Variants in SAR1B observed in about 807,000 individuals in gnomAD.
SAR1B encodes secretion associated Ras related GTPase 1B.
A neutral mutation model predicts 26.8 loss-of-function variants in SAR1B; 23 were observed. The observed-to-expected ratio is 0.86, with a 90% confidence interval of 0.62 to 1.22. The LOEUF (loss-of-function observed/expected upper bound fraction) is 1.22, where lower values mean the gene tolerates loss of function less well. SAR1B is among the 50% of genes most tolerant of loss of function. The pLI, the probability that SAR1B is intolerant of heterozygous loss-of-function variation, is 0.00. For missense variants in SAR1B, 196 were observed against 232.8 expected, an observed-to-expected ratio of 0.84 and a Z score of 1.03; for synonymous variants, 65 against 80.8, an observed-to-expected ratio of 0.80 and a Z score of 1.05.
Position 134,608,465 on chromosome 5 carries a change from T to C in SAR1B, c.387A>G (p.Ile129Met). ...MTDETIANVP[I>M]LILGNKIDRP... ...TGTCGATCTTATTCCCAAGAATCAG[T>C]ATAGGCACATTAGCAATGGTTTCAT... Residue 129 changes from isoleucine (I) to methionine (M), a missense_variant, in exon 6 of 7, where the codon ATA (isoleucine) becomes ATG (methionine). Ile to Met is a conservative substitution (Grantham distance 10). Transcript: ENST00000402673. 6.2e-7 allele frequency: 1 copy of C among 1,612,284 alleles called. No homozygotes were observed. Among genetic ancestry groups the C allele is most frequent in the Non-Finnish European group, 8.5e-7 (1 of 1,179,344 alleles).
chr5:134,623,939 A>G (rs762793932), intron 2 of SAR1B, 23 bp downstream of exon 2: 3 of 1,524,972 alleles, frequency 2.0e-6, no homozygotes, highest in Non-Finnish European at 2.7e-6. Flanking sequence ...GGATAACTGT[A>G]GAGAACAAAG....
Position 134,605,835 on chromosome 5 carries a change from C to T in SAR1B, c.*1115G>A, listed in dbSNP as rs1440255338. ...AGCTATAGGATAGGAACAAAATCTCCACATATCTCAGACTGACACAGAACA... is the reference window on the plus strand; with the variant it reads ...AGCTATAGGATAGGAACAAAATCTCTACATATCTCAGACTGACACAGAACA... On this transcript the variant is annotated 3_prime_UTR_variant, in exon 7 of 7. Transcript: ENST00000402673. 6.6e-6 allele frequency: 1 copy of T among 152,070 alleles called. No homozygotes were observed. The highest frequency in any genetic ancestry group is 2.4e-5 in the African/African-American group (1 of 41,424). 9.4% of individuals were successfully genotyped at this position (152,070 alleles called of 1,614,324 possible). A position where few individuals can be genotyped will look rare whatever the true frequency, so the allele number is the denominator to read the frequency against.
At chr5:134,627,801 A>AAATAAAT (rs1765520467) in intron 1 of SAR1B, among the ~76,000 whole-genome samples, 5 of 134,454 alleles carry the variant, frequency 3.7e-5, no homozygotes, top group African/African-American at 1.1e-4. Context: ...TCCATCCCAA[A>AAATAAAT]AAATAAATAA....
chr5:134,621,659 A>T (rs1413070396), intron 2 of SAR1B, among the ~76,000 whole-genome samples: 1 of 152,222 alleles, frequency 6.6e-6, no homozygotes, highest in African/African-American at 2.4e-5. Flanking sequence ...TGATAGATAA[A>T]TTGATAAATA....
Position 134,621,410 on chromosome 5 carries a change from C to T in SAR1B, c.59-358G>A, listed in dbSNP as rs532516012. ...ACTGGAACCCAGGAAGCAGAAGTTG[C>T]GGTGGTGAGCTGAGATCATGCCATT... is the stretch of plus-strand genomic sequence containing the variant. On this transcript the variant is annotated intron_variant, in intron 2 of 6. Transcript: ENST00000402673. Among the ~76,000 whole-genome samples, 67 of 152,074 alleles carry T rather than the reference C, an allele frequency of 4.4e-4. 1 individual carries two copies. The highest frequency in any genetic ancestry group is 1.6e-3 in the African/African-American group (65 of 41,482).
At chr5:134,617,794 G>A (rs2150053115) in intron 3 of SAR1B, among the ~76,000 whole-genome samples, 1 of 152,108 alleles carries the variant, frequency 6.6e-6, no homozygotes, top group South Asian at 2.1e-4. Context: ...CAATTCTCCT[G>A]TCTCTGCCTC....
intron 3 of SAR1B, among the ~76,000 whole-genome samples, chr5:134,616,203 G>C (rs1013169493): frequency 1.3e-5 from 2 of 151,012 alleles, no homozygotes; most frequent in Non-Finnish European, 2.9e-5. Flanking sequence ...TTGGAAGGCC[G>C]AGGGGGGCGG....
At position 134,607,544 on chromosome 5, in the gene SAR1B, G is replaced by A. The variant is rs190679254; in HGVS notation, c.481-478C>T. ...TCTCAGCACTCTGGGAGGCCAAGGC[G>A]GGCGGATCACCTGAGGTCAGGAGTT... On this transcript the variant is annotated intron_variant, in intron 6 of 6. Coordinates refer to ENST00000402673, the MANE Select transcript of SAR1B (RefSeq NM_016103.4). Among the ~76,000 whole-genome samples, 503 of 151,942 alleles carry A rather than the reference G, an allele frequency of 3.3e-3. 4 individuals carry two copies. Among genetic ancestry groups the A allele is most frequent in the Middle Eastern group, 0.024 (7 of 290 alleles).
intron 3 of SAR1B, 115 bp from the exon 4 acceptor site, chr5:134,612,871 T>C (rs2150051333): frequency 1.1e-6 from 1 of 931,974 alleles, no homozygotes; most frequent in East Asian, 2.6e-5. Context: ...TAAGAATAAA[T>C]AGTAACTTCT....
chr5:134,615,929 A>G (rs1214415134), intron 3 of SAR1B, among the ~76,000 whole-genome samples: 2 of 151,756 alleles, frequency 1.3e-5, no homozygotes. Flanking sequence ...TTGAGACATC[A>G]GGAGTTCTGA....
intron 1 of SAR1B, among the ~76,000 whole-genome samples, chr5:134,627,762 G>A (rs1007616873): frequency 6.6e-6 from 1 of 151,092 alleles, no homozygotes; most frequent in African/African-American, 2.4e-5. Context: ...TTGCGCCACT[G>A]CACTCCAGCC....
rs1765107554 is a variant in SAR1B, at chr5:134,605,323, A to G, written c.*1627T>C. 1 of 152,208 alleles carries G rather than the reference A, an allele frequency of 6.6e-6. No individual in the cohort carries two copies. The highest frequency in any genetic ancestry group is 1.9e-4 in the East Asian group (1 of 5,208). The allele number at this position is 152,208 out of a possible 1,614,324, so 9.4% of individuals were successfully genotyped here. A position where few individuals can be genotyped will look rare whatever the true frequency, so the allele number is the denominator to read the frequency against. On this transcript the variant is annotated 3_prime_UTR_variant, in exon 7 of 7. Coordinates refer to ENST00000402673, the MANE Select transcript of SAR1B (RefSeq NM_016103.4). Reference sequence around the variant, plus strand: ...ATAATCAGGATAAATCTTAAACTTGAGGGTCTTTAAAAATACATTTTTGGC... The same window carrying G: ...ATAATCAGGATAAATCTTAAACTTGGGGGTCTTTAAAAATACATTTTTGGC...
intron 1 of SAR1B, among the ~76,000 whole-genome samples, chr5:134,631,087 TAG>T (rs1199824646): frequency 3.3e-5 from 5 of 151,546 alleles, no homozygotes; most frequent in African/African-American, 1.2e-4. Context: ...TTTTTTAATG[TAG>T]AGACTGGGTC....
At chr5:134,629,241 G>C (rs774354028) in intron 1 of SAR1B, among the ~76,000 whole-genome samples, 8 of 151,494 alleles carry the variant, frequency 5.3e-5, no homozygotes, top group Admixed American at 1.3e-4. Flanking sequence ...GGGAAACATG[G>C]GAAGTCCCCA....
intron 1 of SAR1B, among the ~76,000 whole-genome samples, chr5:134,626,915 C>T (rs1333819669): frequency 6.6e-6 from 1 of 151,932 alleles, no homozygotes; most frequent in Non-Finnish European, 1.5e-5. Flanking sequence ...ACTTAATGTA[C>T]AATTTTAAAA....
At position 134,605,608 on chromosome 5, in the gene SAR1B, C is replaced by G. The variant is rs1765112627; in HGVS notation, c.*1342G>C. The stretch of plus-strand genomic sequence containing the variant: ...TCACTTGAGGTCAGGAGTTTGAGAC[C>G]AGCCTGGACAACATGGTGAAACCCC... On this transcript the variant is annotated 3_prime_UTR_variant, in exon 7 of 7. Transcript: ENST00000402673. The G allele has an allele frequency of 7.2e-6, 1 of 139,390 alleles. No homozygotes were observed. Among genetic ancestry groups the G allele is most frequent in the Admixed American group, 7.8e-5 (1 of 12,834 alleles). The allele number at this position is 139,390 out of a possible 1,614,324, so 8.6% of individuals were successfully genotyped here. A position where few individuals can be genotyped will look rare whatever the true frequency, so the allele number is the denominator to read the frequency against.
At chr5:134,632,606 C>G (rs918698564) in intron 1 of SAR1B, 122 bp downstream of exon 1, 13 of 152,446 alleles carry the variant, frequency 8.5e-5, no homozygotes, top group African/African-American at 3.1e-4. Context: ...GAAAAACAGG[C>G]GCCCCTTCAC....
rs1464656375 is a variant in SAR1B, at chr5:134,605,019, G to A, written c.*1931C>T. ...TGTTACTGAGGTTTCCAGGAAGGGA[G>A]GGAGCACTTTTGTTTTCATTTAGAA... On this transcript the variant is annotated 3_prime_UTR_variant, in exon 7 of 7. Coordinates refer to ENST00000402673, the MANE Select transcript of SAR1B (RefSeq NM_016103.4). 2 of 152,164 alleles carry A rather than the reference G, an allele frequency of 1.3e-5. No homozygotes were observed. Among genetic ancestry groups the A allele is most frequent in the Admixed American group, 6.5e-5 (1 of 15,276 alleles). The allele number at this position is 152,164 out of a possible 1,614,324, so 9.4% of individuals were successfully genotyped here.
intron 3 of SAR1B, among the ~76,000 whole-genome samples, chr5:134,616,389 A>T (rs1463717667): frequency 6.6e-6 from 1 of 150,618 alleles, no homozygotes; most frequent in South Asian, 2.1e-4. Context: ...GTGAGCTGAG[A>T]TCATACCATT....
Sources: gnomAD v4.1 joint callset for allele counts (sites outside exome capture counted in the v4.1 genomes callset) on GRCh38, gnomAD v4.1.1 for gene constraint, MANE v1.5 for transcripts, NCBI Gene and HGNC (gene_info 2026-07-23, HGNC 2026-07-21) for gene names.